Variants in DUXA observed in about 807,000 individuals in gnomAD.
The protein encoded by DUXA is double homeobox A.
A neutral mutation model predicts 27.5 loss-of-function variants in DUXA; 25 were observed. The observed-to-expected ratio is 0.91, with a 90% CI of 0.66 to 1.27. DUXA has a LOEUF of 1.27. DUXA is among the 50% of genes most tolerant of loss of function. The pLI, the probability that DUXA is intolerant of heterozygous loss-of-function variation, is 0.00. For missense variants in DUXA, 247 were observed against 242.9 expected (o/e 1.02, Z -0.11); for synonymous variants, 90 against 80.5 (o/e 1.12, Z -0.63).
chr19:57,160,687 G>T lies in DUXA; in HGVS notation c.136C>A (p.Gln46Lys). 2 of 1,613,810 alleles carry T rather than the reference G, an allele frequency of 1.2e-6. No homozygotes were observed. Among genetic ancestry groups the T allele is most frequent in the Non-Finnish European group, 1.7e-6 (2 of 1,180,030 alleles). Residue 46 changes from glutamine to lysine, a missense_variant, in exon 2 of 6, where the codon CAA becomes AAA. Gln to Lys is a moderately conservative substitution (Grantham distance 53, BLOSUM62 1). Coordinates refer to ENST00000554048, the MANE Select transcript of DUXA (RefSeq NM_001012729.2). The stretch of plus-strand genomic sequence containing the variant: ...GTATTGATTTCTAAAGCAAGTTTTT[G>T]TTTGGTAGCATAACCTGGGTAAGGC... The part of the protein sequence containing the change: ...QKPYPGYATK[Q>K]KLALEINTEE...
intron 1 of DUXA, among the ~76,000 whole-genome samples, chr19:57,161,324 C>CAAAAAGAAAA (rs2087020285): frequency 2.1e-5 from 1 of 47,386 alleles, no homozygotes; most frequent in African/African-American, 1.4e-4. Flanking sequence ...GACTCTATCT[C>CAAAAAGAAAA]AAAAAAAAAA....
chr19:57,162,255 C>T (rs1009899541), intron 1 of DUXA, among the ~76,000 whole-genome samples: 1 of 152,046 alleles, frequency 6.6e-6, no homozygotes, highest in Non-Finnish European at 1.5e-5. Flanking sequence ...TAACAGTTTC[C>T]AAGGTATTTT....
chr19:57,157,407 C>T (rs2086997921), intron 4 of DUXA, among the ~76,000 whole-genome samples: 1 of 152,068 alleles, frequency 6.6e-6, no homozygotes, highest in Non-Finnish European at 1.5e-5. Flanking sequence ...TCTCTACTCA[C>T]TGCAACCTCC....
Position 57,160,773 on chromosome 19 carries a change from C to A in DUXA, c.50G>T (p.Arg17Leu), listed in dbSNP as rs748002224. The A allele has an allele frequency of 6.2e-7, 1 of 1,614,068 alleles. No homozygotes were observed. Among genetic ancestry groups the A allele is most frequent in the African/African-American group, 1.3e-5 (1 of 75,032 alleles). ...SHKMVKTNHR[R>L]CRTKFTEEQL... Reference sequence around the variant, plus strand: ...TTCTTCTGTGAATTTTGTGCGACAGCGCCTATGATTTGTTTTTACCATCTC... The same window carrying A: ...TTCTTCTGTGAATTTTGTGCGACAGAGCCTATGATTTGTTTTTACCATCTC... Residue 17 changes from arginine to leucine, a missense_variant, in exon 2 of 6, where the codon CGC (arginine) becomes CTC (leucine). Arg to Leu is a moderately radical substitution (Grantham distance 102). Coordinates refer to ENST00000554048, the MANE Select transcript of DUXA (RefSeq NM_001012729.2).
At chr19:57,161,908 C>G (rs1412664120) in intron 1 of DUXA, among the ~76,000 whole-genome samples, 1 of 151,552 alleles carries the variant, frequency 6.6e-6, no homozygotes, top group Non-Finnish European at 1.5e-5. Context: ...TTTATTTTTT[C>G]AGGCAGGATC....
At chr19:57,158,612 C>T in intron 3 of DUXA, 139 bp from the exon 4 acceptor site, 1 of 1,061,236 alleles carries the variant, frequency 9.4e-7, no homozygotes, top group East Asian at 2.6e-5. Flanking sequence ...AGGATCTTGT[C>T]CCAGGTTCCT....
intron 4 of DUXA, among the ~76,000 whole-genome samples, chr19:57,156,587 G>C (rs923586118): frequency 1.3e-5 from 2 of 151,998 alleles, no homozygotes; most frequent in African/African-American, 4.8e-5. Context: ...TTTTTTCATA[G>C]AGTTGTGGTC....
At chr19:57,155,646 A>AAGACAGATAGATAGATAGATAGAT (rs1555757951) in intron 4 of DUXA, among the ~76,000 whole-genome samples, 2 of 144,012 alleles carry the variant, frequency 1.4e-5, no homozygotes, top group South Asian at 2.4e-4. Flanking sequence ...TGCCCAACCC[A>AAGACAGATAGATAGATAGATAGAT]AGATAGATAG....
chr19:57,161,481 G>A (rs2087022653), intron 1 of DUXA, among the ~76,000 whole-genome samples: 1 of 149,454 alleles, frequency 6.7e-6, no homozygotes, highest in Admixed American at 6.6e-5. Context: ...AAATTAGCCG[G>A]GCGCAGTGGC....
chr19:57,158,661 G>A (rs970389359), intron 3 of DUXA, among the ~76,000 whole-genome samples, 188 bp from the exon 4 acceptor site: 3 of 152,102 alleles, frequency 2.0e-5, no homozygotes, highest in Admixed American at 6.6e-5. Flanking sequence ...AGGATGATAT[G>A]TCTGGGCTTC....
intron 1 of DUXA, among the ~76,000 whole-genome samples, chr19:57,164,141 C>T (rs2087038947): frequency 6.6e-6 from 1 of 152,154 alleles, no homozygotes; most frequent in Non-Finnish European, 1.5e-5. Context: ...AACACTGATG[C>T]AAAAATCCTC....
intron 1 of DUXA, among the ~76,000 whole-genome samples, chr19:57,165,297 T>C (rs1169529610): frequency 9.1e-6 from 1 of 109,814 alleles, no homozygotes; most frequent in Non-Finnish European, 1.9e-5. Flanking sequence ...AACTTCTACA[T>C]TTCTGGAGTA....
chr19:57,158,390 G>A lies in DUXA; in HGVS notation c.376C>T (p.Pro126Ser). The A allele has an allele frequency of 6.2e-7, 1 of 1,613,294 alleles. No homozygotes were observed. The highest frequency in any genetic ancestry group is 8.5e-7 in the Non-Finnish European group (1 of 1,180,010). Reference protein sequence around the residue: ...LIKAFMKNPYPGIDSREELAK... With the variant: ...LIKAFMKNPYSGIDSREELAK... ...AGTTCTTCTCTGGAATCAATCCCAG[G>A]ATATGGGTTTTTCATAAATGCCTTG... The change falls in exon 4 of 6, where the codon CCT becomes TCT. Residue 126 changes from proline to serine, a missense_variant. By Grantham distance (74) the Pro-to-Ser change is moderately conservative (BLOSUM62 -1). Transcript: ENST00000554048.
intron 5 of DUXA, 23 bp downstream of exon 5, chr19:57,155,244 A>G: frequency 6.2e-7 from 1 of 1,607,570 alleles, no homozygotes; most frequent in Non-Finnish European, 8.5e-7. Context: ...TGTGAACCAC[A>G]TTGGAAACAA....
chr19:57,154,864 C>G (rs866174523), intron 5 of DUXA, among the ~76,000 whole-genome samples: 1 of 152,192 alleles, frequency 6.6e-6, no homozygotes, highest in Non-Finnish European at 1.5e-5. Flanking sequence ...TGCCCAGCCC[C>G]CACCTTTTCA....
At position 57,158,489 on chromosome 19, in the gene DUXA, A is replaced by G. The variant is rs759078665; in HGVS notation, c.293-16T>C. 1 of 1,608,302 alleles carries G rather than the reference A, an allele frequency of 6.2e-7. No individual in the cohort carries two copies. The highest frequency in any genetic ancestry group is 8.5e-7 in the Non-Finnish European group (1 of 1,175,312). On this transcript the variant is annotated splice_polypyrimidine_tract_variant and intron_variant, in intron 3 of 5. Transcript: ENST00000554048. The stretch of plus-strand genomic sequence containing the variant: ...GCTTCTCTACCTAGGGAAGGCATGG[A>G]AAGATGGAGGGGGGCGGTCAAGGAA...
chr19:57,165,322 A>ATATATATATATATATAT (rs1484903570), intron 1 of DUXA, among the ~76,000 whole-genome samples: 391 of 88,766 alleles, frequency 4.4e-3, no homozygotes, highest in Non-Finnish European at 6.9e-3. Context: ...AAAAAAAAAA[A>ATATATATATATATATAT]AAATATATAT....
Position 57,165,314 on chromosome 19 carries a change from A to ATAT in DUXA, c.25+2104_25+2105insATA, listed in dbSNP as rs1234294237. Among the ~76,000 whole-genome samples, 130 of 76,558 alleles carry ATAT rather than the reference A, an allele frequency of 1.7e-3. 2 individuals are homozygous for ATAT. The highest frequency in any genetic ancestry group is 7.1e-3 in the African/African-American group (128 of 17,976). The allele number at this position is 76,558 out of a possible 152,430, so 50.2% of individuals were successfully genotyped here. On this transcript the variant is annotated intron_variant, in intron 1 of 5. Transcript: ENST00000554048. ...CTTCTACATTTCTGGAGTAGGAAAAAAAAAAAAAAAATATATATATATATA... is the reference window on the plus strand; with the variant it reads ...CTTCTACATTTCTGGAGTAGGAAAAATATAAAAAAAAAAATATATATATATATA...
chr19:57,155,670 T>TAGATAGATAGATAGATAGATAGATAGAG (rs2086989982), intron 4 of DUXA, among the ~76,000 whole-genome samples: 1 of 151,682 alleles, frequency 6.6e-6, no homozygotes, highest in South Asian at 2.1e-4. Context: ...GATAGATAGA[T>TAGATAGATAGATAGATAGATAGATAGAG]AGATACTTTT....
Sources: allele counts gnomAD v4.1 joint callset (sites outside exome capture counted in the v4.1 genomes callset), GRCh38; gene constraint gnomAD v4.1.1; transcripts MANE v1.5; gene names NCBI Gene and HGNC (gene_info 2026-07-23, HGNC 2026-07-21).